Variants in RMI1 observed in about 807,000 individuals in gnomAD.
RMI1 encodes recQ-mediated genome instability protein 1.
RMI1 carries 36 observed loss-of-function variants against 46.7 expected under a neutral mutation model. The ratio of observed to expected loss-of-function variants is 0.77; its 90% CI spans 0.59 to 1.02. The LOEUF is 1.02. RMI1 is among the 50% of genes least tolerant of loss of function. RMI1 has a pLI of 0.00. For missense variants in RMI1, 676 were observed against 713.7 expected (o/e 0.95, Z 0.60); for synonymous variants, 250 against 252.9 (o/e 0.99, Z 0.11).
intron 1 of RMI1, among the ~76,000 whole-genome samples, chr9:83,991,010 T>C (rs1444465191): frequency 6.6e-6 from 1 of 152,116 alleles, no homozygotes; most frequent in Non-Finnish European, 1.5e-5. Context: ...TTTCTCCACG[T>C]TGGTCAGGCT....
chr9:83,993,860 T>C (rs2133117401), intron 1 of RMI1, among the ~76,000 whole-genome samples: 1 of 152,230 alleles, frequency 6.6e-6, no homozygotes, highest in Admixed American at 6.5e-5. Context: ...CACTTACGGC[T>C]TGCTGCAGCC....
In RMI1 at chr9:84,002,399, A is replaced by G. The variant is rs1367416551; in HGVS notation, c.1413A>G (p.Leu471=). 8 of 1,612,862 alleles carry G rather than the reference A, an allele frequency of 5.0e-6. No homozygotes were observed. Among genetic ancestry groups the G allele is most frequent in the Non-Finnish European group, 6.8e-6 (8 of 1,179,260 alleles). Residue 471 remains leucine (L), a synonymous_variant, in exon 3 of 3, where the codon TTA becomes TTG. Coordinates refer to ENST00000445877, the MANE Select transcript of RMI1 (RefSeq NM_001358291.2). ...ENDCNLQSCS[L]RSSENSINLS... is the part of the protein sequence containing the mutation. ...ATTGTAATTTACAGAGTTGTTCTTT[A>G]AGATCATCAGAGAATAGCATTAATC...
At chr9:83,987,082 C>T (rs558495658) in intron 1 of RMI1, among the ~76,000 whole-genome samples, 1 of 151,310 alleles carries the variant, frequency 6.6e-6, no homozygotes, top group African/African-American at 2.4e-5. Context: ...CCTTCGCTTT[C>T]CGATGGAGTC....
In RMI1 at chr9:83,997,425, A is replaced by G. The variant is rs570842106; in HGVS notation, c.-125-2284A>G. Among the ~76,000 whole-genome samples, 123 of 148,550 alleles carry G rather than the reference A, an allele frequency of 8.3e-4. 1 individual carries two copies. Among genetic ancestry groups the G allele is most frequent in the Admixed American group, 2.2e-3 (33 of 15,034 alleles). ...TGTGCCTGGCCCTTTTTTTCCCTTA[A>G]TTGAAAAAAAAAAAGAAAGAAATTA... On this transcript the variant is annotated intron_variant, in intron 1 of 2. Transcript: ENST00000445877.
At chr9:84,000,728 T>C (rs1219081275) in intron 2 of RMI1, among the ~76,000 whole-genome samples, 2 of 152,180 alleles carry the variant, frequency 1.3e-5, no homozygotes, top group Non-Finnish European at 2.9e-5. Flanking sequence ...TCACATATCT[T>C]GTAACTTGAC....
chr9:83,980,967 G>A (rs1957370026), intron 1 of RMI1, 76 bp downstream of exon 1: 1 of 152,356 alleles, frequency 6.6e-6, no homozygotes, highest in African/African-American at 2.4e-5. Context: ...CCCCGCCCCG[G>A]GCTGTGGTCT....
At chr9:83,980,656 G>A (rs296889), upstream of RMI1, 46,504 of 152,656 alleles carry the variant, frequency 0.3, 7,520 homozygotes, top group African/African-American at 0.42. Flanking sequence ...CGGCTAGGGG[G>A]CGAACCTCTC....
At chr9:83,997,226 C>T (rs1427632400) in intron 1 of RMI1, among the ~76,000 whole-genome samples, 3 of 151,246 alleles carry the variant, frequency 2.0e-5, no homozygotes, top group Non-Finnish European at 4.4e-5. Context: ...ATTCTCCTGC[C>T]TCAGCCTCCT....
intron 1 of RMI1, among the ~76,000 whole-genome samples, chr9:83,989,975 G>C (rs1957544919): frequency 1.3e-5 from 2 of 152,136 alleles, no homozygotes; most frequent in Non-Finnish European, 2.9e-5. Flanking sequence ...TAAAGAAAAT[G>C]TATATATACA....
At chr9:83,990,305 A>T (rs979001130) in intron 1 of RMI1, among the ~76,000 whole-genome samples, 1 of 152,170 alleles carries the variant, frequency 6.6e-6, no homozygotes, top group Non-Finnish European at 1.5e-5. Context: ...CGAGGTCAGG[A>T]GTTCGAGACC....
intron 1 of RMI1, among the ~76,000 whole-genome samples, chr9:83,998,633 T>C (rs1284506400): frequency 6.6e-6 from 1 of 152,238 alleles, no homozygotes; most frequent in African/African-American, 2.4e-5. Context: ...TTCTCAGACA[T>C]GTGCTGCATT....
At chr9:83,981,241 C>T (rs1054476526) in intron 1 of RMI1, among the ~76,000 whole-genome samples, 1 of 152,158 alleles carries the variant, frequency 6.6e-6, no homozygotes, top group African/African-American at 2.4e-5. Flanking sequence ...CTGAGACTTT[C>T]CTCTTGGGTA....
chr9:83,996,590 TTA>T (rs1286256243), intron 1 of RMI1, among the ~76,000 whole-genome samples: 107 of 152,226 alleles, frequency 7.0e-4, no homozygotes, highest in African/African-American at 2.5e-3. Flanking sequence ...TAGAGGTACT[TTA>T]TGTTTATTAA....
chr9:83,993,857 G>C (rs1282865269), intron 1 of RMI1, among the ~76,000 whole-genome samples: 1 of 151,814 alleles, frequency 6.6e-6, no homozygotes, highest in South Asian at 2.1e-4. Flanking sequence ...GCACACTTAC[G>C]GCTTGCTGCA....
intron 1 of RMI1, among the ~76,000 whole-genome samples, chr9:83,989,756 T>G (rs992949418): frequency 7.2e-5 from 11 of 151,946 alleles, no homozygotes; most frequent in African/African-American, 2.7e-4. Flanking sequence ...GAATATAAAT[T>G]AGTGTAGCCT....
At chr9:84,000,725 T>C (rs978289529) in intron 2 of RMI1, among the ~76,000 whole-genome samples, 1 of 152,146 alleles carries the variant, frequency 6.6e-6, no homozygotes, top group African/African-American at 2.4e-5. Flanking sequence ...AGGTCACATA[T>C]CTTGTAACTT....
chr9:83,991,009 G>T (rs772667863), intron 1 of RMI1, among the ~76,000 whole-genome samples: 1 of 151,982 alleles, frequency 6.6e-6, no homozygotes, highest in African/African-American at 2.4e-5. Flanking sequence ...GTTTCTCCAC[G>T]TTGGTCAGGC....
chr9:84,002,130 A>G lies in RMI1; in HGVS notation c.1144A>G (p.Met382Val). The G allele has an allele frequency of 1.2e-6, 2 of 1,613,840 alleles. No individual in the cohort carries two copies. Among genetic ancestry groups the G allele is most frequent in the Non-Finnish European group, 1.7e-6 (2 of 1,179,898 alleles). Reference sequence around the variant, plus strand: ...GAGTGAAAAAAATGTATCTGAACAAATGACTAATGAAGACAAATCATTTGG... The same window carrying G: ...GAGTGAAAAAAATGTATCTGAACAAGTGACTAATGAAGACAAATCATTTGG... The part of the protein sequence containing the change: ...NWSEKNVSEQ[M>V]TNEDKSFGCP... Residue 382 changes from methionine to valine, a missense_variant, in exon 3 of 3, where the codon ATG becomes GTG. Physicochemically the swap from Met to Val is conservative, Grantham distance 21 (BLOSUM62 1). Transcript: ENST00000445877.
intron 1 of RMI1, among the ~76,000 whole-genome samples, chr9:83,998,166 A>G (rs1957686005): frequency 6.6e-6 from 1 of 152,134 alleles, no homozygotes; most frequent in African/African-American, 2.4e-5. Context: ...TGTTAAAGAG[A>G]CCTGCTCATT....
Sources: gnomAD v4.1 joint callset for allele counts (sites outside exome capture counted in the v4.1 genomes callset) on GRCh38, gnomAD v4.1.1 for gene constraint, MANE v1.5 for transcripts, NCBI Gene and HGNC (gene_info 2026-07-23, HGNC 2026-07-21) for gene names.